PRKN: variants seen among roughly 807,000 people sequenced by gnomAD.
PRKN encodes the protein parkin RBR E3 ubiquitin protein ligase.
Under a neutral mutation model 59.5 loss-of-function variants are expected in PRKN, and 56 were observed. The ratio of observed to expected loss-of-function variants is 0.94; its 90% CI spans 0.76 to 1.18. The LOEUF is 1.18. Among genes scored for constraint, PRKN ranks in the 50% most tolerant of loss-of-function variants. PRKN has a pLI of 0.00. For synonymous variants in PRKN, 250 were observed against 222.1 expected (o/e 1.13, Z -1.12); for missense variants, 657 against 596.4 (o/e 1.10, Z -1.06).
Position 161,470,485 on chromosome 6 carries a change from C to A in PRKN, c.1083+78369G>T, listed in dbSNP as rs1390471455. 1.3e-5 allele frequency among the ~76,000 whole-genome samples: 2 copies of A among 152,172 alleles called. No individual in the cohort carries two copies. The highest frequency in any genetic ancestry group is 2.9e-5 in the Non-Finnish European group (2 of 68,030). ...CCTGAGAGCAGGACACTCTGGATTACCTGAGAAGCACTCCCAGTCTAACCC... is the reference window on the plus strand; with the variant it reads ...CCTGAGAGCAGGACACTCTGGATTAACTGAGAAGCACTCCCAGTCTAACCC... On this transcript the variant is annotated intron_variant, in intron 9 of 11. Transcript: ENST00000366898. This position sits in a 1 kb window ranked among gnomAD's most constrained non-coding sequence, Gnocchi z 5.1.
intron 1 of PRKN, among the ~76,000 whole-genome samples, chr6:162,458,443 A>AT (rs1168206796): frequency 5.5e-4 from 80 of 145,978 alleles, no homozygotes; most frequent in Admixed American, 2.1e-3. Flanking sequence ...AAAAAAAAAA[A>AT]ATTTTTTTTA....
At chr6:161,441,013 A>C (rs1789189172) in intron 9 of PRKN, among the ~76,000 whole-genome samples, 2 of 152,184 alleles carry the variant, frequency 1.3e-5, no homozygotes, top group South Asian at 4.1e-4. Flanking sequence ...TCCTAACAAA[A>C]ATGTTCTGAA....
At chr6:162,084,063 T>C (rs1779162483) in intron 4 of PRKN, among the ~76,000 whole-genome samples, 1 of 152,086 alleles carries the variant, frequency 6.6e-6, no homozygotes, top group Non-Finnish European at 1.5e-5. Flanking sequence ...AAATTATAAT[T>C]ATAATGTTGA....
intron 1 of PRKN, among the ~76,000 whole-genome samples, chr6:162,639,204 T>C (rs571573831): frequency 6.6e-6 from 1 of 152,210 alleles, no homozygotes; most frequent in Non-Finnish European, 1.5e-5. Context: ...AGTATGCTTA[T>C]TCCTTAGGAT....
chr6:162,302,200 C>T (rs577708153), intron 2 of PRKN, among the ~76,000 whole-genome samples: 5 of 152,190 alleles, frequency 3.3e-5, no homozygotes, highest in Admixed American at 6.5e-5. Context: ...TAACCTCACA[C>T]CTGAAAGAGC....
intron 7 of PRKN, among the ~76,000 whole-genome samples, chr6:161,729,953 T>C (rs190561188): frequency 6.6e-6 from 1 of 152,226 alleles, no homozygotes; most frequent in South Asian, 2.1e-4. Flanking sequence ...TTCTGATGTG[T>C]TGCATTCTGA....
In PRKN at chr6:161,579,175, T is replaced by C. The variant is rs1781246009; in HGVS notation, c.872-9759A>G. Among the ~76,000 whole-genome samples, 3 of 152,228 alleles carry C rather than the reference T, an allele frequency of 2.0e-5. No individual in the cohort carries two copies. The highest frequency in any genetic ancestry group is 4.4e-5 in the Non-Finnish European group (3 of 68,038). On this transcript the variant is annotated intron_variant, in intron 7 of 11. Transcript: ENST00000366898. This position sits in a 1 kb window ranked among gnomAD's most constrained non-coding sequence, Gnocchi z 4.2. ...GAAGGAGATGGAATTTTGTGCTCTC[T>C]TTAATATGTTTTTCCACAGATTATG...
intron 5 of PRKN, among the ~76,000 whole-genome samples, chr6:162,004,674 T>C (rs919860462): frequency 6.6e-6 from 1 of 152,188 alleles, no homozygotes; most frequent in African/African-American, 2.4e-5. Context: ...AGAAAGAAAC[T>C]AATGAACTCA....
chr6:161,822,292 T>G (rs1156345109), intron 6 of PRKN, among the ~76,000 whole-genome samples: 1 of 152,104 alleles, frequency 6.6e-6, no homozygotes, highest in African/African-American at 2.4e-5. Flanking sequence ...TTCCAGAAAG[T>G]GATTTTAAAG....
At chr6:162,045,934 G>A (rs1461862372) in intron 5 of PRKN, among the ~76,000 whole-genome samples, 1 of 152,172 alleles carries the variant, frequency 6.6e-6, no homozygotes, top group Admixed American at 6.5e-5. Context: ...GTACCATCTC[G>A]ATTGAAACAT....
In PRKN at chr6:161,409,124, T is replaced by TAC. The variant is rs1787410169; in HGVS notation, c.1084-22248_1084-22247insGT. The stretch of plus-strand genomic sequence containing the variant: ...CCATGCCCAGCTAATTTTTGTACTT[T>TAC]TAGTAGAGATGGGGTTTCACCATAT... On this transcript the variant is annotated intron_variant, in intron 9 of 11. Coordinates refer to ENST00000366898, the MANE Select transcript of PRKN (RefSeq NM_004562.3). The surrounding 1 kb of genome is among the most constrained non-coding windows in gnomAD (Gnocchi z 4.6). Among the ~76,000 whole-genome samples, 1 of 152,008 alleles carries TAC rather than the reference T, an allele frequency of 6.6e-6. No individual in the cohort carries two copies. Among genetic ancestry groups the TAC allele is most frequent in the Non-Finnish European group, 1.5e-5 (1 of 68,002 alleles).
At chr6:162,563,336 A>G (rs1168846323) in intron 1 of PRKN, among the ~76,000 whole-genome samples, 7 of 151,838 alleles carry the variant, frequency 4.6e-5, no homozygotes, top group Non-Finnish European at 5.9e-5. Context: ...AAAAACAAAA[A>G]AAGAGAAAGC....
intron 2 of PRKN, among the ~76,000 whole-genome samples, chr6:162,437,797 G>A (rs1203439469): frequency 5.3e-5 from 8 of 152,176 alleles, no homozygotes; most frequent in African/African-American, 1.9e-4. Context: ...ATTCTAGGGT[G>A]TGGAGGTACC....
At chr6:162,492,679 C>T (rs757983186) in intron 1 of PRKN, among the ~76,000 whole-genome samples, 43 of 152,014 alleles carry the variant, frequency 2.8e-4, no homozygotes, top group African/African-American at 6.3e-4. Flanking sequence ...GGGCCGGGCG[C>T]GGTGGCTCAC....
chr6:162,148,397 A>C (rs1297426780), intron 4 of PRKN, among the ~76,000 whole-genome samples: 1 of 151,766 alleles, frequency 6.6e-6, no homozygotes, highest in Non-Finnish European at 1.5e-5. Context: ...AAGACTTTAG[A>C]ACATGGGGAC....
At chr6:161,556,582 GCA>G (rs753686232) in intron 8 of PRKN, among the ~76,000 whole-genome samples, 2 of 152,140 alleles carry the variant, frequency 1.3e-5, no homozygotes, top group African/African-American at 2.4e-5. Flanking sequence ...TGACAAACTA[GCA>G]CTAATACAGA....
chr6:161,895,678 T>TTATGCC (rs1562372273), intron 6 of PRKN, among the ~76,000 whole-genome samples: 1,060 of 58,530 alleles, frequency 0.018, 114 homozygotes, highest in African/African-American at 0.071. Context: ...CCCCTCCTGC[T>TTATGCC]GTTATGCCCC....
At chr6:162,252,912 T>G (rs1170937473) in intron 3 of PRKN, among the ~76,000 whole-genome samples, 1 of 152,240 alleles carries the variant, frequency 6.6e-6, no homozygotes, top group East Asian at 1.9e-4. Flanking sequence ...TTCATTCATT[T>G]AACACATATT....
At chr6:161,676,181 C>T (rs1273868426) in intron 7 of PRKN, among the ~76,000 whole-genome samples, 1 of 152,244 alleles carries the variant, frequency 6.6e-6, no homozygotes, top group Non-Finnish European at 1.5e-5. Flanking sequence ...AGGAGAGATG[C>T]TGGCCTGGGT....
Sources: gnomAD v4.1 joint callset for allele counts (sites outside exome capture counted in the v4.1 genomes callset) on GRCh38, gnomAD v4.1.1 for gene constraint, Gnocchi (gnomAD v3.1) non-coding constraint, MANE v1.5 for transcripts, NCBI Gene and HGNC (gene_info 2026-07-23, HGNC 2026-07-21) for gene names.